Variants in ANKRD23 observed in about 807,000 individuals in gnomAD.
ANKRD23 encodes ankyrin repeat domain 23, also known as ankyrin repeat domain-containing protein 23.
A neutral mutation model predicts 38.1 loss-of-function variants in ANKRD23; 52 were observed. The ratio of observed to expected loss-of-function variants is 1.36; its 90% confidence interval spans 1.09 to 1.72. ANKRD23 has a LOEUF of 1.72. Ranked by LOEUF, ANKRD23 falls within the 40% of genes most tolerant of loss-of-function variation. The pLI is 0.00. For synonymous variants in ANKRD23, 167 were observed against 162.9 expected, an observed-to-expected ratio of 1.03 and a Z score of -0.19; for missense variants, 416 against 400.2, an observed-to-expected ratio of 1.04 and a Z score of -0.34.
chr2:96,840,349 C>G lies in ANKRD23; in HGVS notation c.526-19G>C, dbSNP rs1225460683. 6.2e-7 allele frequency: 1 copy of G among 1,606,986 alleles called. No individual in the cohort carries two copies. Among genetic ancestry groups the G allele is most frequent in the East Asian group, 2.2e-5 (1 of 44,644 alleles). ...TGTCCAGCTGCAAAACAAAAGCACC[C>G]AAGCACTCAGCTGCTGGGATGTGAA... On this transcript the variant is annotated intron_variant, in intron 5 of 8. Transcript: ENST00000318357.
At chr2:96,841,008 C>G in intron 3 of ANKRD23, 96 bp from the exon 4 acceptor site, 7 of 1,487,608 alleles carry the variant, frequency 4.7e-6, no homozygotes, top group Admixed American at 4.0e-5. Context: ...TCCCATGCAG[C>G]CCACCAAGGA....
In ANKRD23 at chr2:96,838,498, C is replaced by T. The variant is rs2079719054; in HGVS notation, c.*1051G>A. The T allele has an allele frequency of 1.0e-6, 1 of 986,162 alleles. No homozygotes were observed. The highest frequency in any genetic ancestry group is 1.7e-5 in the African/African-American group (1 of 57,354). 61.1% of individuals were successfully genotyped at this position (986,162 alleles called of 1,614,324 possible). On this transcript the variant is annotated 3_prime_UTR_variant, in exon 9 of 9. Transcript: ENST00000318357. ...AGGGCTGGGGGGCGGCGGGGGCTCA[C>T]CTTCCTCTGCTTCCCTGTGGGCTGG...
Position 96,838,634 on chromosome 2 carries a change from A to G in ANKRD23, c.*915T>C, listed in dbSNP as rs2153358281. 9.1e-6 allele frequency: 9 copies of G among 985,528 alleles called. No individual in the cohort carries two copies. Among genetic ancestry groups the G allele is most frequent in the East Asian group, 1.1e-4 (1 of 8,800 alleles). 61.0% of individuals were successfully genotyped at this position (985,528 alleles called of 1,614,324 possible). On this transcript the variant is annotated 3_prime_UTR_variant, in exon 9 of 9. Coordinates refer to ENST00000318357, the MANE Select transcript of ANKRD23 (RefSeq NM_144994.8). ...TCCAGTACCAGGAACATAAGGGGAC[A>G]TAAGGGCCTCAGGCAAACTAGGGTT...
rs1232407315 is a variant in ANKRD23, at chr2:96,838,779, CAGTG to C, written c.*766_*769del. ...GGCCGGCCTGAGCGGGGCCAGTACA[CAGTG>C]GGTGCGAGGCTTCTCTCAAATGCGC... On this transcript the variant is annotated 3_prime_UTR_variant, in exon 9 of 9. Transcript: ENST00000318357. The C allele has an allele frequency of 7.1e-6, 7 of 985,506 alleles. No homozygotes were observed. Among genetic ancestry groups the C allele is most frequent in the Middle Eastern group, 5.2e-4 (1 of 1,938 alleles). The allele number at this position is 985,506 out of a possible 1,614,324, so 61.0% of individuals were successfully genotyped here.
chr2:96,841,758 G>A (rs1017120254), intron 3 of ANKRD23, among the ~76,000 whole-genome samples: 2 of 152,154 alleles, frequency 1.3e-5, no homozygotes, highest in Admixed American at 1.3e-4. Flanking sequence ...AGCCGGAGAG[G>A]CATGAAGGGA....
chr2:96,838,355 C>T lies in ANKRD23; in HGVS notation c.*1194G>A, dbSNP rs890424100. The T allele has an allele frequency of 6.1e-6, 6 of 987,934 alleles. No individual in the cohort carries two copies. The highest frequency in any genetic ancestry group is 7.2e-6 in the Non-Finnish European group (6 of 830,146). The allele number at this position is 987,934 out of a possible 1,614,324, so 61.2% of individuals were successfully genotyped here. A position where few individuals can be genotyped will look rare whatever the true frequency, so the allele number is the denominator to read the frequency against. ...AGATTCACTTTCTGGCGTTTAGGGG[C>T]CCAGCCCCACCAGCAGTACAGGCCT... On this transcript the variant is annotated 3_prime_UTR_variant, in exon 9 of 9. Coordinates refer to ENST00000318357, the MANE Select transcript of ANKRD23 (RefSeq NM_144994.8).
At position 96,844,000 on chromosome 2, in the gene ANKRD23, CCT is replaced by C. The variant is rs1258531073; in HGVS notation, c.-10_-9del. On this transcript the variant is annotated 5_prime_UTR_variant, in exon 1 of 9. Transcript: ENST00000318357. ...AATGCTGATGAAGTCCATGGTCCCC[CCT>C]GTTCCTCACACCCCCCAGTGAGAAG... is the stretch of plus-strand genomic sequence containing the variant. The C allele has an allele frequency of 6.2e-7, 1 of 1,600,206 alleles. No individual in the cohort carries two copies. The highest frequency in any genetic ancestry group is 1.1e-5 in the South Asian group (1 of 88,686).
chr2:96,839,797 A>G lies in ANKRD23; in HGVS notation c.752T>C (p.Val251Ala), dbSNP rs1267969217. The change falls in exon 8 of 9, where the codon GTG (valine) becomes GCG (alanine). Residue 251 changes from valine to alanine, a missense_variant. Val to Ala is a moderately conservative substitution (Grantham distance 64, BLOSUM62 0). Coordinates refer to ENST00000318357, the MANE Select transcript of ANKRD23 (RefSeq NM_144994.8). The part of the protein sequence containing the change: ...KEGDTALHEA[V>A]RHGSYKAMKL... ...CATGGCTTTGTAGCTGCCGTGCCGC[A>G]CGGCCTCGTGCAGAGCCGTGTCCCC... is the stretch of plus-strand genomic sequence containing the variant. 6 of 1,613,200 alleles carry G rather than the reference A, an allele frequency of 3.7e-6. No homozygotes were observed. The highest frequency in any genetic ancestry group is 1.1e-5 in the South Asian group (1 of 91,016).
intron 2 of ANKRD23, 31 bp downstream of exon 2, chr2:96,842,334 C>A (rs1199716833): frequency 2.5e-6 from 4 of 1,597,906 alleles, no homozygotes; most frequent in Non-Finnish European, 3.4e-6. Context: ...TTAGCCACTG[C>A]CCCCAACCCC....
In ANKRD23 at chr2:96,841,956, C is replaced by T. The variant is rs116722787; in HGVS notation, c.300+104G>A. 1.5e-3 allele frequency: 2,280 copies of T among 1,529,938 alleles called. 32 individuals carry two copies. In the African/African-American group the frequency reaches 0.028, roughly 19 times the overall value. 94.8% of individuals were successfully genotyped at this position (1,529,938 alleles called of 1,614,324 possible). On this transcript the variant is annotated intron_variant, in intron 3 of 8. Coordinates refer to ENST00000318357, the MANE Select transcript of ANKRD23 (RefSeq NM_144994.8). Reference sequence around the variant, plus strand: ...GTGGATTTAATGGGCTCCCCAGGCACTGGCTGTGTGGTCCTGGCCTGCAGT... The same window carrying T: ...GTGGATTTAATGGGCTCCCCAGGCATTGGCTGTGTGGTCCTGGCCTGCAGT...
chr2:96,840,209 C>T, intron 6 of ANKRD23, 23 bp downstream of exon 6: 1 of 1,601,940 alleles, frequency 6.2e-7, no homozygotes. Context: ...CCCGACAGGC[C>T]CCCAAAGCAC....
rs780851358 is a variant in ANKRD23 at position 96,842,402 on chromosome 2, CG to C, written c.136del (p.Arg46GlyfsTer4). 24 of 1,613,486 alleles carry C rather than the reference CG, an allele frequency of 1.5e-5. No homozygotes were observed. The highest frequency in any genetic ancestry group is 2.0e-5 in the Non-Finnish European group (24 of 1,179,918). On this transcript the variant is annotated frameshift_variant, in exon 2 of 9. Transcript: ENST00000318357. LOFTEE classifies it high-confidence loss of function. ...CTCTTCTTCCAATTTCAGCTTCTCC[CG>C]GGCCACAGCCTCTTGGGGGCCCCTC... ...WRRGPQEAVA[R>X]EKLKLEEEKK...
rs1435222211 is a variant in ANKRD23 at position 96,839,534 on chromosome 2, G to C, written c.*15C>G. On this transcript the variant is annotated 3_prime_UTR_variant, in exon 9 of 9. Coordinates refer to ENST00000318357, the MANE Select transcript of ANKRD23 (RefSeq NM_144994.8). The stretch of plus-strand genomic sequence containing the variant: ...GGTGGCAGTGCGAAAGGCGCGGCGG[G>C]GGGCGGTGCTGCGGTCAGCACCGGG... The C allele has an allele frequency of 6.1e-5, 87 of 1,430,394 alleles. No homozygotes were observed. Among genetic ancestry groups the C allele is most frequent in the Non-Finnish European group, 7.9e-5 (87 of 1,097,238 alleles). 88.6% of individuals were successfully genotyped at this position (1,430,394 alleles called of 1,614,324 possible).
Position 96,842,063 on chromosome 2 carries a change from A to C in ANKRD23, c.297T>G (p.Val99=), listed in dbSNP as rs775332867. Reference sequence around the variant, plus strand: ...CTAACCCCGACCTCCCACTCACCTTAACCAGGGGCTCAGGTTTCCTGGGGG... The same window carrying C: ...CTAACCCCGACCTCCCACTCACCTTCACCAGGGGCTCAGGTTTCCTGGGGG... The part of the protein sequence containing the change: ...RVPPRKPEPL[V]KPQSQAQVEP... The change falls in exon 3 of 9, where the codon GTT becomes GTG. Residue 99 remains valine (V), a synonymous_variant. Coordinates refer to ENST00000318357, the MANE Select transcript of ANKRD23 (RefSeq NM_144994.8). The C allele has an allele frequency of 3.7e-6, 6 of 1,613,920 alleles. No individual in the cohort carries two copies. The highest frequency in any genetic ancestry group is 5.1e-6 in the Non-Finnish European group (6 of 1,180,022).
rs1424419563 is a variant in ANKRD23 at position 96,840,454 on chromosome 2, G to C, written c.487C>G (p.Leu163Val). ...TCCACTGTGGCACCTGCCACCAGCA[G>C]CTTGTTCACCAGCTGGCTGTGACCC... ...LKGHSQLVNK[L>V]LVAGATVDAR... The change falls in exon 5 of 9, where the codon CTG (leucine) becomes GTG (valine). Residue 163 changes from leucine (L) to valine (V), a missense_variant. Coordinates refer to ENST00000318357, the MANE Select transcript of ANKRD23 (RefSeq NM_144994.8). 1 of 1,614,016 alleles carries C rather than the reference G, an allele frequency of 6.2e-7. No homozygotes were observed. The highest frequency in any genetic ancestry group is 8.5e-7 in the Non-Finnish European group (1 of 1,180,040).
Position 96,839,189 on chromosome 2 carries a change from C to T in ANKRD23, c.*360G>A. 9.6e-7 allele frequency: 1 copy of T among 1,044,296 alleles called. No homozygotes were observed. The allele number at this position is 1,044,296 out of a possible 1,614,324, so 64.7% of individuals were successfully genotyped here. On this transcript the variant is annotated 3_prime_UTR_variant, in exon 9 of 9. Transcript: ENST00000318357. The stretch of plus-strand genomic sequence containing the variant: ...CTGGGACAAGTGGACACTGAGGACT[C>T]CCAGACCCAGCCCTGGGTGGCTCCA...
intron 7 of ANKRD23, 46 bp from the exon 8 acceptor site, chr2:96,839,871 C>T (rs779455378): frequency 6.3e-7 from 1 of 1,579,010 alleles, no homozygotes; most frequent in Non-Finnish European, 8.6e-7. Context: ...GCGTGCTGCC[C>T]TCCTCATGCA....
chr2:96,839,044 C>G lies in ANKRD23; in HGVS notation c.*505G>C. On this transcript the variant is annotated 3_prime_UTR_variant, in exon 9 of 9. Coordinates refer to ENST00000318357, the MANE Select transcript of ANKRD23 (RefSeq NM_144994.8). ...GGCATCCACCAGCTGCAGACAGGCC[C>G]GGCCCCTGCATGGCCTGCCTTGGCT... 2.0e-6 allele frequency: 2 copies of G among 986,466 alleles called. No individual in the cohort carries two copies. Among genetic ancestry groups the G allele is most frequent in the Non-Finnish European group, 1.2e-6 (1 of 830,710 alleles). The allele number at this position is 986,466 out of a possible 1,614,324, so 61.1% of individuals were successfully genotyped here.
intron 3 of ANKRD23, 44 bp from the exon 4 acceptor site, chr2:96,840,956 A>G: frequency 6.2e-7 from 1 of 1,602,504 alleles, no homozygotes; most frequent in East Asian, 2.2e-5. Flanking sequence ...CGAAGGCCGC[A>G]GGTGCCCAAG....
Sources: allele counts gnomAD v4.1 joint callset (sites outside exome capture counted in the v4.1 genomes callset), GRCh38; gene constraint gnomAD v4.1.1; transcripts MANE v1.5; gene names NCBI Gene and HGNC (gene_info 2026-07-23, HGNC 2026-07-21).